USP46: variants seen among roughly 807,000 people sequenced by gnomAD.
USP46 encodes ubiquitin carboxyl-terminal hydrolase 46.
USP46 carries 12 observed loss-of-function variants against 44.4 expected under a neutral mutation model. The observed-to-expected ratio is 0.27, with a 90% CI of 0.17 to 0.44. The LOEUF (loss-of-function observed/expected upper bound fraction) is 0.44. USP46 is among the 20% of genes least tolerant of loss of function. The probability of loss-of-function intolerance (pLI) is 1.00; values close to 1 mark genes in which losing one functional copy is unlikely to be tolerated. For synonymous variants in USP46, 155 were observed against 161.5 expected (o/e 0.96, Z 0.31); for missense variants, 248 against 444.8 (o/e 0.56, Z 3.98).
rs538299668 is a variant in USP46, at chr4:52,596,030, A to G, written c.*1610T>C. 1.3e-5 allele frequency: 2 copies of G among 152,790 alleles called. No homozygotes were observed. The highest frequency in any genetic ancestry group is 4.8e-5 in the African/African-American group (2 of 41,590). The allele number at this position is 152,790 out of a possible 1,614,324, so 9.5% of individuals were successfully genotyped here. ...CCCTGTTTTGTCTTCTCCAGTGAAAAGTAAAACATTTCACTTCAAGCATAA... is the reference window on the plus strand; with the variant it reads ...CCCTGTTTTGTCTTCTCCAGTGAAAGGTAAAACATTTCACTTCAAGCATAA... On this transcript the variant is annotated 3_prime_UTR_variant, in exon 9 of 9. Coordinates refer to ENST00000441222, the MANE Select transcript of USP46 (RefSeq NM_022832.4).
intron 4 of USP46, among the ~76,000 whole-genome samples, chr4:52,618,374 C>T (rs1200360420): frequency 6.6e-6 from 1 of 152,078 alleles, no homozygotes; most frequent in African/African-American, 2.4e-5. Context: ...CCTATAATTC[C>T]AGCTATTCGG....
intron 4 of USP46, among the ~76,000 whole-genome samples, chr4:52,614,580 A>G (rs775721241): frequency 6.6e-6 from 1 of 152,220 alleles, no homozygotes; most frequent in Non-Finnish European, 1.5e-5. Flanking sequence ...TCAAGAATGA[A>G]GGCAAAATGA....
chr4:52,638,175 G>A (rs763244649), intron 1 of USP46, among the ~76,000 whole-genome samples: 1 of 152,192 alleles, frequency 6.6e-6, no homozygotes, highest in Non-Finnish European at 1.5e-5. Flanking sequence ...AGGAGACACA[G>A]TATAATTACA....
chr4:52,618,212 A>G (rs2109618299), intron 4 of USP46, among the ~76,000 whole-genome samples: 1 of 151,462 alleles, frequency 6.6e-6, no homozygotes, highest in East Asian at 2.0e-4. Context: ...AGTGAGGCCC[A>G]GACTCTACAA....
At chr4:52,619,729 A>C (rs1415654585) in intron 4 of USP46, among the ~76,000 whole-genome samples, 2 of 152,156 alleles carry the variant, frequency 1.3e-5, no homozygotes, top group East Asian at 3.8e-4. Context: ...GCCTTGGGAG[A>C]TTGATTCCCT....
chr4:52,643,655 C>G (rs114565223), intron 1 of USP46, among the ~76,000 whole-genome samples: 3 of 152,194 alleles, frequency 2.0e-5, no homozygotes, highest in Non-Finnish European at 4.4e-5. Flanking sequence ...GATAAATTTG[C>G]TCACTGAATA....
At position 52,591,116 on chromosome 4, in the gene USP46, T is replaced by G. The variant is rs1278955641; in HGVS notation, c.*6524A>C. 1.3e-5 allele frequency: 2 copies of G among 152,234 alleles called. No homozygotes were observed. Among genetic ancestry groups the G allele is most frequent in the Non-Finnish European group, 2.9e-5 (2 of 68,048 alleles). The allele number at this position is 152,234 out of a possible 1,614,324, so 9.4% of individuals were successfully genotyped here. A position where few individuals can be genotyped will look rare whatever the true frequency, so the allele number is the denominator to read the frequency against. On this transcript the variant is annotated 3_prime_UTR_variant, in exon 9 of 9. Transcript: ENST00000441222. ...CTCAACCTGGAGACAAGCTCTGAAGTACAGAGCTATCACCTGCTGCAGGAG... is the reference window on the plus strand; with the variant it reads ...CTCAACCTGGAGACAAGCTCTGAAGGACAGAGCTATCACCTGCTGCAGGAG...
In USP46 at chr4:52,628,014, T is replaced by C. The variant is rs61761593; in HGVS notation, c.267A>G (p.Thr89=). Reference sequence around the variant, plus strand: ...GGATGACGCCAACCTTCTTCTTCTGTGTGGCAATGCTGTGGAAAAGGTCCG... The same window carrying C: ...GGATGACGCCAACCTTCTTCTTCTGCGTGGCAATGCTGTGGAAAAGGTCCG... The part of the protein sequence containing the change: ...CLADLFHSIA[T]QKKKVGVIPP... Residue 89 remains threonine, a synonymous_variant, in exon 3 of 9, where the codon ACA becomes ACG. Coordinates refer to ENST00000441222, the MANE Select transcript of USP46 (RefSeq NM_022832.4). 5.9e-3 allele frequency: 9,597 copies of C among 1,613,882 alleles called. 239 individuals are homozygous for C. In the African/African-American group the frequency reaches 0.074, roughly 13 times the overall value.
rs117824254 is a variant in USP46 at position 52,642,646 on chromosome 4, G to A, written c.37-11502C>T. Among the ~76,000 whole-genome samples the A allele has an allele frequency of 1.3e-3, 198 of 152,284 alleles. No individual in the cohort carries two copies. The East Asian group carries it at 0.03, about 23-fold the overall frequency. ...CTACAGAGTACTGGCAACTTGTTTA[G>A]AGAAAACATAAAATTGAGGTTGGGA... On this transcript the variant is annotated intron_variant, in intron 1 of 8. Transcript: ENST00000441222.
chr4:52,658,338 T>G (rs865793598), intron 1 of USP46: 1 of 454,892 alleles, frequency 2.2e-6, no homozygotes, highest in South Asian at 1.6e-5. Context: ...CACCGCATCA[T>G]GGGCTCGGAC....
chr4:52,647,474 C>T (rs756337284), intron 1 of USP46, among the ~76,000 whole-genome samples: 3 of 152,214 alleles, frequency 2.0e-5, no homozygotes, highest in African/African-American at 7.2e-5. Context: ...AGAAACTGCG[C>T]TTAGCTACTT....
chr4:52,619,537 G>T (rs568923645), intron 4 of USP46, among the ~76,000 whole-genome samples: 11 of 152,322 alleles, frequency 7.2e-5, no homozygotes, highest in Admixed American at 4.6e-4. Flanking sequence ...CCTAGGCAAA[G>T]GGTGTTACTC....
At position 52,616,553 on chromosome 4, in the gene USP46, C is replaced by T. The variant is rs529000273; in HGVS notation, c.562-5936G>A. On this transcript the variant is annotated intron_variant, in intron 4 of 8. Coordinates refer to ENST00000441222, the MANE Select transcript of USP46 (RefSeq NM_022832.4). The stretch of plus-strand genomic sequence containing the variant: ...ACACCCGTCTAATTTTTGTATTTTT[C>T]GTAGAGACAGGGTTTCACCATGTTG... Among the ~76,000 whole-genome samples the T allele has an allele frequency of 4.0e-3, 611 of 152,120 alleles. 5 individuals carry two copies. The highest frequency in any genetic ancestry group is 0.014 in the African/African-American group (574 of 41,528).
intron 2 of USP46, among the ~76,000 whole-genome samples, chr4:52,628,857 G>A (rs949018641): frequency 1.6e-4 from 24 of 152,108 alleles, no homozygotes; most frequent in Non-Finnish European, 2.8e-4. Flanking sequence ...TACTACCCAA[G>A]TTCCTAGCCT....
chr4:52,637,297 C>T (rs1718154263), intron 1 of USP46, among the ~76,000 whole-genome samples: 1 of 152,158 alleles, frequency 6.6e-6, no homozygotes, highest in African/African-American at 2.4e-5. Flanking sequence ...CAGGCCCAGG[C>T]AGGAACCACT....
intron 7 of USP46, 66 bp from the exon 8 acceptor site, chr4:52,598,772 G>C: frequency 6.9e-7 from 1 of 1,450,312 alleles, no homozygotes; most frequent in Non-Finnish European, 9.4e-7. Context: ...ACTCTACTTA[G>C]CTCTTTATAA....
intron 1 of USP46, among the ~76,000 whole-genome samples, chr4:52,648,807 T>C (rs765103311): frequency 2.0e-5 from 3 of 152,244 alleles, no homozygotes; most frequent in Non-Finnish European, 4.4e-5. Flanking sequence ...GAGTGTCCTA[T>C]GGTAGCTTAA....
At chr4:52,621,338 A>G (rs1018472589) in intron 4 of USP46, among the ~76,000 whole-genome samples, 6 of 152,182 alleles carry the variant, frequency 3.9e-5, no homozygotes, top group African/African-American at 1.4e-4. Context: ...TTACAAAAAT[A>G]CAAAGTGGGG....
rs941271042 is a variant in USP46 at position 52,601,945 on chromosome 4, G to A, written c.832C>T (p.Leu278=). Residue 278 remains leucine (L), a synonymous_variant, in exon 7 of 9, where the codon CTG becomes TTG. Coordinates refer to ENST00000441222, the MANE Select transcript of USP46 (RefSeq NM_022832.4). ...GAGGTGTTGAAGAGCCGGAGTTCCA[G>A]AGGGAAGACCACACGGTAAGACAGC... ...TKLSYRVVFP[L]ELRLFNTSSD... The A allele has an allele frequency of 1.9e-6, 3 of 1,614,014 alleles. No homozygotes were observed. The highest frequency in any genetic ancestry group is 2.5e-6 in the Non-Finnish European group (3 of 1,179,896).
Sources: gnomAD v4.1 joint callset for allele counts (sites outside exome capture counted in the v4.1 genomes callset) on GRCh38, gnomAD v4.1.1 for gene constraint, MANE v1.5 for transcripts, NCBI Gene and HGNC (gene_info 2026-07-23, HGNC 2026-07-21) for gene names.